Variants in CDH8 observed in about 807,000 individuals in gnomAD.
CDH8 encodes cadherin-8.
In CDH8, 17 loss-of-function variants were observed where a neutral mutation model predicts 68.1. The ratio of observed to expected loss-of-function variants is 0.25; its 90% confidence interval spans 0.17 to 0.37. The LOEUF (loss-of-function observed/expected upper bound fraction) is 0.37, where lower values mean the gene tolerates loss of function less well. Ranked by LOEUF, CDH8 falls within the 10% of genes least tolerant of loss-of-function variation. The pLI is 1.00. For synonymous variants in CDH8, 372 were observed against 365.1 expected, an observed-to-expected ratio of 1.02 and a Z score of -0.21; for missense variants, 763 against 999.3, an observed-to-expected ratio of 0.76 and a Z score of 3.19.
intron 2 of CDH8, among the ~76,000 whole-genome samples, chr16:61,968,855 C>T (rs1333090869): frequency 2.0e-5 from 3 of 152,172 alleles, no homozygotes; most frequent in Non-Finnish European, 2.9e-5. Flanking sequence ...CTTGAGAAAG[C>T]GGCGTGAAGC....
intron 4 of CDH8, among the ~76,000 whole-genome samples, chr16:61,826,559 C>T (rs1164730247): frequency 6.6e-6 from 1 of 151,754 alleles, no homozygotes; most frequent in Non-Finnish European, 1.5e-5. Flanking sequence ...AACCCCTTCA[C>T]TTCTAACCCA....
At chr16:61,864,284 T>C (rs1291845721) in intron 3 of CDH8, among the ~76,000 whole-genome samples, 1 of 142,210 alleles carries the variant, frequency 7.0e-6, no homozygotes, top group Non-Finnish European at 1.5e-5. Flanking sequence ...GTTGGTTGGC[T>C]GGATGTCCGG....
intron 10 of CDH8, among the ~76,000 whole-genome samples, chr16:61,658,417 AT>A (rs1963493144): frequency 1.3e-5 from 2 of 151,950 alleles, no homozygotes; most frequent in African/African-American, 4.8e-5. Context: ...ATTATATAAA[AT>A]TATTTTTTGG....
At chr16:61,715,805 C>T (rs552718503) in intron 9 of CDH8, among the ~76,000 whole-genome samples, 56 of 151,698 alleles carry the variant, frequency 3.7e-4, no homozygotes, top group African/African-American at 1.3e-3. Flanking sequence ...AGATTTGAAA[C>T]ATGGATAACT....
At position 61,819,383 on chromosome 16, in the gene CDH8, C is replaced by CA. The variant is rs533386707; in HGVS notation, c.1023+1542dup. ...TTCAGTTTATAACAGCACTTTATGG[C>CA]AAAAAAAATGGGAATAATAACAATA... On this transcript the variant is annotated intron_variant, in intron 6 of 11. Transcript: ENST00000577390. 1.0e-3 allele frequency among the ~76,000 whole-genome samples: 154 copies of CA among 150,792 alleles called. 1 individual carries two copies. The highest frequency in any genetic ancestry group is 2.5e-3 in the African/African-American group (103 of 41,150).
At chr16:61,842,057 T>TTC (rs947630633) in intron 4 of CDH8, among the ~76,000 whole-genome samples, 13 of 146,928 alleles carry the variant, frequency 8.8e-5, no homozygotes, top group Non-Finnish European at 1.9e-4. Flanking sequence ...CCGGCTAATT[T>TTC]TTTTTTTTTT....
At chr16:61,824,979 A>G in intron 5 of CDH8, 33 bp downstream of exon 5, 1 of 1,548,356 alleles carries the variant, frequency 6.5e-7, no homozygotes, top group Non-Finnish European at 8.9e-7. Context: ...ACATCATACC[A>G]AGATTCTCAT....
chr16:61,905,979 A>G (rs1964054056), intron 2 of CDH8, among the ~76,000 whole-genome samples: 1 of 152,148 alleles, frequency 6.6e-6, no homozygotes, highest in Non-Finnish European at 1.5e-5. Context: ...ATTGTGGGTA[A>G]AAATGCAGAG....
intron 3 of CDH8, among the ~76,000 whole-genome samples, chr16:61,871,957 T>C (rs1963378681): frequency 6.7e-6 from 1 of 149,490 alleles, no homozygotes; most frequent in Middle Eastern, 3.2e-3. Flanking sequence ...AGTATATCCA[T>C]CCGGTGTGAG....
At chr16:61,865,752 C>A (rs1398776059) in intron 3 of CDH8, among the ~76,000 whole-genome samples, 1 of 152,074 alleles carries the variant, frequency 6.6e-6, no homozygotes, top group Non-Finnish European at 1.5e-5. Context: ...GCTGCTTATT[C>A]CCAGGAATCA....
intron 8 of CDH8, among the ~76,000 whole-genome samples, chr16:61,769,223 C>T (rs890701569): frequency 6.6e-6 from 1 of 151,822 alleles, no homozygotes; most frequent in Non-Finnish European, 1.5e-5. Flanking sequence ...GTCTCAAAGA[C>T]TCTAAAGATC....
In CDH8 at chr16:61,817,693, C is replaced by G; in HGVS notation, c.1063G>C (p.Val355Leu). Reference protein sequence around the residue: ...FETKKSYTLKVEAANVHIDPR... With the variant: ...FETKKSYTLKLEAANVHIDPR... Reference sequence around the variant, plus strand: ...TCAATATGGACATTGGCTGCCTCTACCTTTAGCGTATAGGATTTTTTGGTC... The same window carrying G: ...TCAATATGGACATTGGCTGCCTCTAGCTTTAGCGTATAGGATTTTTTGGTC... Residue 355 changes from valine to leucine, a missense_variant, in exon 7 of 12, where the codon GTA becomes CTA. Val to Leu is a conservative substitution (Grantham distance 32, BLOSUM62 1). This residue lies in a region of CDH8 where 366 missense variants were observed against 563.1 expected (regional missense o/e 0.65). Transcript: ENST00000577390. 1.2e-6 allele frequency: 2 copies of G among 1,600,252 alleles called. No individual in the cohort carries two copies. The highest frequency in any genetic ancestry group is 1.7e-6 in the Non-Finnish European group (2 of 1,173,894).
At chr16:61,985,079 A>G (rs1965602897) in intron 2 of CDH8, among the ~76,000 whole-genome samples, 1 of 151,484 alleles carries the variant, frequency 6.6e-6, no homozygotes, top group Non-Finnish European at 1.5e-5. Context: ...GTGTTAATGT[A>G]GGCACCCATA....
intron 3 of CDH8, among the ~76,000 whole-genome samples, chr16:61,895,488 T>G (rs762423203): frequency 2.6e-5 from 4 of 152,184 alleles, no homozygotes; most frequent in African/African-American, 9.7e-5. Flanking sequence ...CTCTGGCATA[T>G]AGTAAATTCT....
chr16:61,929,886 G>C (rs973730341), intron 2 of CDH8, among the ~76,000 whole-genome samples: 1 of 152,052 alleles, frequency 6.6e-6, no homozygotes, highest in Non-Finnish European at 1.5e-5. Context: ...CAAGAACCTA[G>C]TCTCTTAAAC....
At chr16:61,712,406 T>A (rs1964647375) in intron 10 of CDH8, among the ~76,000 whole-genome samples, 1 of 151,792 alleles carries the variant, frequency 6.6e-6, no homozygotes, top group Non-Finnish European at 1.5e-5. Context: ...ATATTTGGAA[T>A]GGGAAATAAC....
chr16:62,007,123 G>A (rs1965988900), intron 2 of CDH8, among the ~76,000 whole-genome samples: 1 of 152,162 alleles, frequency 6.6e-6, no homozygotes, highest in Non-Finnish European at 1.5e-5. Context: ...GATCAGGCTG[G>A]TCTTGAACTC....
intron 2 of CDH8, among the ~76,000 whole-genome samples, chr16:61,977,792 C>A (rs1452137752): frequency 2.6e-5 from 4 of 152,142 alleles, no homozygotes; most frequent in African/African-American, 9.7e-5. Context: ...ACTGTGCAAC[C>A]ATGGAGAAAT....
intron 8 of CDH8, among the ~76,000 whole-genome samples, chr16:61,755,859 C>T (rs1960302190): frequency 6.6e-6 from 1 of 151,840 alleles, no homozygotes; most frequent in Non-Finnish European, 1.5e-5. Flanking sequence ...CTCGCTCTGT[C>T]GCCCAGGCTG....
Sources: allele counts gnomAD v4.1 joint callset (sites outside exome capture counted in the v4.1 genomes callset), GRCh38; gene constraint gnomAD v4.1.1; regional missense constraint gnomAD v4.1.1; transcripts MANE v1.5; gene names NCBI Gene and HGNC (gene_info 2026-07-23, HGNC 2026-07-21).